CDK14: variants seen among roughly 807,000 people sequenced by gnomAD.
CDK14 encodes the protein cyclin dependent kinase 14.
A neutral mutation model predicts 60.7 loss-of-function variants in CDK14; 34 were observed. The ratio of observed to expected loss-of-function variants is 0.56; its 90% CI spans 0.43 to 0.75. The LOEUF (loss-of-function observed/expected upper bound fraction) is 0.75. Ranked by LOEUF, CDK14 falls within the 30% of genes least tolerant of loss-of-function variation. The pLI is 0.00. For missense variants in CDK14, 482 were observed against 564.1 expected, an observed-to-expected ratio of 0.85 and a Z score of 1.47; for synonymous variants, 197 against 203.7, an observed-to-expected ratio of 0.97 and a Z score of 0.28.
chr7:91,076,379 G>A (rs1562894247), intron 11 of CDK14, among the ~76,000 whole-genome samples: 2 of 150,070 alleles, frequency 1.3e-5, no homozygotes, highest in African/African-American at 4.9e-5. Flanking sequence ...CGACAAACCT[G>A]ACAAAAACAA....
chr7:90,661,563 G>A (rs891771587), intron 2 of CDK14, among the ~76,000 whole-genome samples: 1 of 152,178 alleles, frequency 6.6e-6, no homozygotes, highest in Non-Finnish European at 1.5e-5. Flanking sequence ...TTAACCACAT[G>A]CCTTCTGTGT....
At chr7:90,864,139 A>T (rs1008017785) in intron 6 of CDK14, among the ~76,000 whole-genome samples, 1 of 152,122 alleles carries the variant, frequency 6.6e-6, no homozygotes, top group African/African-American at 2.4e-5. Context: ...TAAAAAAAAA[A>T]AGAATGAATA....
At chr7:90,679,603 A>G (rs1217909438) in intron 2 of CDK14, among the ~76,000 whole-genome samples, 1 of 152,226 alleles carries the variant, frequency 6.6e-6, no homozygotes, top group Non-Finnish European at 1.5e-5. Flanking sequence ...CTTACAAGTA[A>G]TAGTACAGAG....
At chr7:91,130,567 A>G (rs899089299) in intron 14 of CDK14, among the ~76,000 whole-genome samples, 1 of 152,162 alleles carries the variant, frequency 6.6e-6, no homozygotes, top group African/African-American at 2.4e-5. Flanking sequence ...CTTCTTGAAG[A>G]AATTACTATT....
At chr7:91,140,587 C>A (rs1800426844) in intron 14 of CDK14, among the ~76,000 whole-genome samples, 2 of 152,184 alleles carry the variant, frequency 1.3e-5, no homozygotes, top group Non-Finnish European at 2.9e-5. Flanking sequence ...GGATTAATAT[C>A]TTTGGTTAAT....
At chr7:90,600,221 G>T (rs1799286127) in intron 1 of CDK14, among the ~76,000 whole-genome samples, 1 of 152,158 alleles carries the variant, frequency 6.6e-6, no homozygotes, top group Admixed American at 6.5e-5. Context: ...TACTACAGTT[G>T]TCTCACACTT....
intron 14 of CDK14, among the ~76,000 whole-genome samples, chr7:91,136,596 C>T (rs983466796): frequency 1.3e-5 from 2 of 152,130 alleles, no homozygotes; most frequent in African/African-American, 4.8e-5. Flanking sequence ...ACAGACTAAA[C>T]ATGCCTTGTA....
intron 11 of CDK14, among the ~76,000 whole-genome samples, chr7:91,070,139 TC>T (rs1176349210): frequency 1.3e-5 from 2 of 152,194 alleles, no homozygotes; most frequent in Non-Finnish European, 2.9e-5. Flanking sequence ...AACTGGTCTG[TC>T]CTTATAAGAA....
At chr7:90,776,969 G>A (rs1033834216) in intron 4 of CDK14, among the ~76,000 whole-genome samples, 7 of 151,006 alleles carry the variant, frequency 4.6e-5, no homozygotes, top group Admixed American at 2.6e-4. Context: ...ATACTGTTCC[G>A]ATGGTTTCTC....
At chr7:90,613,519 T>A (rs1470323276) in intron 2 of CDK14, among the ~76,000 whole-genome samples, 2 of 151,740 alleles carry the variant, frequency 1.3e-5, no homozygotes, top group African/African-American at 4.9e-5. Flanking sequence ...AAACCCTGTG[T>A]CTACTAAAAA....
At chr7:90,857,126 C>A (rs936348815) in intron 5 of CDK14, among the ~76,000 whole-genome samples, 8 of 143,288 alleles carry the variant, frequency 5.6e-5, no homozygotes, top group East Asian at 3.9e-4. Context: ...AAAAAAAAAA[C>A]ACACCACTAC....
intron 4 of CDK14, among the ~76,000 whole-genome samples, chr7:90,790,026 G>A (rs1459868027): frequency 2.0e-5 from 3 of 149,568 alleles, no homozygotes; most frequent in Non-Finnish European, 1.5e-5. Flanking sequence ...GTAATATAAA[G>A]CACAACTAGA....
At chr7:91,058,939 T>C (rs1011470107) in intron 11 of CDK14, among the ~76,000 whole-genome samples, 7 of 152,176 alleles carry the variant, frequency 4.6e-5, no homozygotes, top group South Asian at 2.1e-4. Flanking sequence ...AGGGAGGATT[T>C]CCTCTTTTTC....
At chr7:90,918,227 T>A (rs1311890337) in intron 8 of CDK14, among the ~76,000 whole-genome samples, 15 of 152,202 alleles carry the variant, frequency 9.9e-5, no homozygotes. Flanking sequence ...TACATTGCCC[T>A]GAGGCTTTAA....
At chr7:90,671,992 G>A (rs7788547) in intron 2 of CDK14, among the ~76,000 whole-genome samples, 130,828 of 152,186 alleles carry the variant, frequency 0.86, 56,533 homozygotes, top group East Asian at 1. Flanking sequence ...AGTTATCTTC[G>A]CAGTAGTGAA....
chr7:90,725,518 A>G (rs1312667784), intron 2 of CDK14, among the ~76,000 whole-genome samples: 1 of 152,228 alleles, frequency 6.6e-6, no homozygotes, highest in East Asian at 1.9e-4. Context: ...GTATTCAAAA[A>G]CTTCGTATTT....
intron 5 of CDK14, among the ~76,000 whole-genome samples, chr7:90,855,713 C>T (rs906015675): frequency 2.0e-5 from 3 of 152,132 alleles, no homozygotes; most frequent in South Asian, 4.1e-4. Flanking sequence ...GGTTGAACCA[C>T]GTACAATTGC....
intron 3 of CDK14, among the ~76,000 whole-genome samples, chr7:90,730,057 C>A (rs996511840): frequency 1.3e-5 from 2 of 152,018 alleles, no homozygotes; most frequent in African/African-American, 4.8e-5. Flanking sequence ...TCCCTGTGTC[C>A]ATGTGTTCTC....
intron 6 of CDK14, among the ~76,000 whole-genome samples, chr7:90,874,617 T>C (rs1031494520): frequency 7.2e-6 from 1 of 138,664 alleles, no homozygotes; most frequent in Non-Finnish European, 1.5e-5. Flanking sequence ...CAAGCTCCGC[T>C]TCCCGGGTTC....
Sources: allele counts gnomAD v4.1 joint callset (sites outside exome capture counted in the v4.1 genomes callset), GRCh38; gene constraint gnomAD v4.1.1; transcripts MANE v1.5; gene names NCBI Gene and HGNC (gene_info 2026-07-23, HGNC 2026-07-21).